GDPD4: variants seen among roughly 807,000 people sequenced by gnomAD.
GDPD4 encodes glycerophosphodiester phosphodiesterase domain containing 4, also known as glycerophosphodiester phosphodiesterase 6.
GDPD4 carries 60 observed loss-of-function variants against 67.8 expected under a neutral mutation model. The ratio of observed to expected loss-of-function variants is 0.88; its 90% CI spans 0.72 to 1.10. The LOEUF (loss-of-function observed/expected upper bound fraction) is 1.10, where lower values mean the gene tolerates loss of function less well. Ranked by LOEUF, GDPD4 falls within the 50% of genes least tolerant of loss-of-function variation. The pLI, the probability that GDPD4 is intolerant of heterozygous loss-of-function variation, is 0.00. For synonymous variants in GDPD4, 212 were observed against 210.9 expected (o/e 1.00, Z -0.04); for missense variants, 623 against 613.9 (o/e 1.01, Z -0.16).
chr11:77,280,343 C>T (rs1037189044), intron 3 of GDPD4, among the ~76,000 whole-genome samples: 2 of 151,660 alleles, frequency 1.3e-5, no homozygotes, highest in African/African-American at 2.4e-5. Context: ...GAATGATTCA[C>T]ATCCATGAAA....
At chr11:77,276,057 G>A in intron 5 of GDPD4, 104 bp downstream of exon 5, 1 of 751,816 alleles carries the variant, frequency 1.3e-6, no homozygotes, top group Non-Finnish European at 2.4e-6. Context: ...CAGTAACAGA[G>A]AGGGTAACCC....
chr11:77,235,501 C>A (rs1425179041), intron 13 of GDPD4, among the ~76,000 whole-genome samples: 2 of 152,074 alleles, frequency 1.3e-5, no homozygotes, highest in Non-Finnish European at 2.9e-5. Context: ...TGGAACAGAA[C>A]CGAAAACCAT....
chr11:77,289,774 G>A (rs1236654908), intron 1 of GDPD4, among the ~76,000 whole-genome samples: 5 of 138,296 alleles, frequency 3.6e-5, no homozygotes, highest in Admixed American at 7.4e-5. Context: ...AGGAGGGAGC[G>A]AGGGAGGGGA....
chr11:77,260,564 T>C (rs977827695), intron 10 of GDPD4, among the ~76,000 whole-genome samples: 1 of 151,866 alleles, frequency 6.6e-6, no homozygotes, highest in African/African-American at 2.4e-5. Context: ...AATGTGACCA[T>C]ATGGAAGAGG....
intron 5 of GDPD4, among the ~76,000 whole-genome samples, chr11:77,273,452 G>T (rs1234993507): frequency 6.6e-6 from 1 of 152,114 alleles, no homozygotes; most frequent in Non-Finnish European, 1.5e-5. Flanking sequence ...TTCAGACTCT[G>T]TGAACTAGAT....
rs190436310 is a variant in GDPD4, at chr11:77,233,277, C to G, written c.1242-105G>C. ...TGTGAAAGGCTGTTGCCTAAATCAC[C>G]AGAAGCAGCTGATCCAGGGACAATT... On this transcript the variant is annotated intron_variant, in intron 13 of 16. Transcript: ENST00000315938. 1.0e-4 allele frequency: 104 copies of G among 1,025,566 alleles called. No individual in the cohort carries two copies. In the African/African-American group the frequency reaches 1.3e-3, roughly 13 times the overall value. 63.5% of individuals were successfully genotyped at this position (1,025,566 alleles called of 1,614,324 possible).
intron 16 of GDPD4, among the ~76,000 whole-genome samples, chr11:77,218,538 C>G (rs1158647400): frequency 6.6e-6 from 1 of 152,134 alleles, no homozygotes; most frequent in Non-Finnish European, 1.5e-5. Context: ...ATCCCTCCCC[C>G]ATACCCCCAC....
intron 16 of GDPD4, among the ~76,000 whole-genome samples, chr11:77,223,184 TTTG>T (rs1042558858): frequency 2.0e-5 from 3 of 152,150 alleles, no homozygotes; most frequent in African/African-American, 7.2e-5. Flanking sequence ...CTTGGAGAAG[TTTG>T]TTATTACCGA....
intron 4 of GDPD4, among the ~76,000 whole-genome samples, chr11:77,278,044 T>C (rs11237160): frequency 0.19 from 29,102 of 151,908 alleles, 3,711 homozygotes; most frequent in Non-Finnish European, 0.27. Flanking sequence ...AGTTGAGCGG[T>C]TTTGAGTGAG....
chr11:77,246,755 C>T, intron 11 of GDPD4, among the ~76,000 whole-genome samples: 1 of 152,168 alleles, frequency 6.6e-6, no homozygotes, highest in Non-Finnish European at 1.5e-5. Flanking sequence ...TCTGCTGACT[C>T]TACTGGAGTG....
At chr11:77,246,430 C>CT (rs1327177100) in intron 11 of GDPD4, among the ~76,000 whole-genome samples, 101 of 152,152 alleles carry the variant, frequency 6.6e-4, no homozygotes, top group Non-Finnish European at 7.3e-5. Context: ...TGAGAAGAAA[C>CT]TAAAATTATT....
At chr11:77,244,751 T>C (rs1421321061) in intron 12 of GDPD4, among the ~76,000 whole-genome samples, 1 of 152,182 alleles carries the variant, frequency 6.6e-6, no homozygotes, top group African/African-American at 2.4e-5. Flanking sequence ...ATCTATGAAA[T>C]ACTTCCATTT....
intron 1 of GDPD4, among the ~76,000 whole-genome samples, chr11:77,289,378 G>A (rs535410224): frequency 6.8e-6 from 1 of 146,944 alleles, no homozygotes; most frequent in South Asian, 2.2e-4. Context: ...AGAGGGGAGG[G>A]GAGGGGAAAA....
chr11:77,276,225 A>T lies in GDPD4; in HGVS notation c.148-5T>A. ...AAGCAACAAAAATCCAAGTAACTGCAAAAGCAAAGAAGAAAAAGAGAGTTA... is the reference window on the plus strand; with the variant it reads ...AAGCAACAAAAATCCAAGTAACTGCTAAAGCAAAGAAGAAAAAGAGAGTTA... On this transcript the variant is annotated splice_polypyrimidine_tract_variant and splice_region_variant and intron_variant, in intron 4 of 16. Coordinates refer to ENST00000315938, the MANE Select transcript of GDPD4 (RefSeq NM_182833.3). 1 of 1,611,850 alleles carries T rather than the reference A, an allele frequency of 6.2e-7. No homozygotes were observed.
chr11:77,226,019 TAGGCAACCTAA>T (rs2135823400), intron 16 of GDPD4, among the ~76,000 whole-genome samples: 1 of 152,326 alleles, frequency 6.6e-6, no homozygotes, highest in East Asian at 1.9e-4. Flanking sequence ...GTTTCTCTAA[TAGGCAACCTAA>T]GAGCTCTTAA....
intron 10 of GDPD4, among the ~76,000 whole-genome samples, chr11:77,267,221 C>G (rs778338401): frequency 2.0e-5 from 3 of 152,190 alleles, no homozygotes; most frequent in African/African-American, 7.2e-5. Context: ...CGAAGAGTAA[C>G]AGGTCATACC....
chr11:77,271,391 G>T lies in GDPD4; in HGVS notation c.210C>A (p.Ile70=). 6.2e-7 allele frequency: 1 copy of T among 1,603,780 alleles called. No individual in the cohort carries two copies. Among genetic ancestry groups the T allele is most frequent in the Non-Finnish European group, 8.5e-7 (1 of 1,171,030 alleles). Residue 70 remains isoleucine, a splice_region_variant and synonymous_variant, in exon 6 of 17, where the codon ATC becomes ATA. Transcript: ENST00000315938. ...ACAGAAGAATCACTAGCAGAATCAGGATCTAGGGAAACAGAAAAAAAATCT... is the reference window on the plus strand; with the variant it reads ...ACAGAAGAATCACTAGCAGAATCAGTATCTAGGGAAACAGAAAAAAAATCT... ...IELYLHLCHK[I]LILLVILLCV...
chr11:77,228,577 C>T (rs1323044545), intron 15 of GDPD4, among the ~76,000 whole-genome samples: 1 of 148,788 alleles, frequency 6.7e-6, no homozygotes, highest in Non-Finnish European at 1.5e-5. Flanking sequence ...ACTCGGGAGG[C>T]TGAGGCAGGA....
At position 77,258,482 on chromosome 11, in the gene GDPD4, C is replaced by T. The variant is rs781562204; in HGVS notation, c.768G>A (p.Gly256=). ...CGCAGGCAGATTCTGGCTGAACTTC[C>T]CCAATATTGGTTGTTCTTTTCAGGT... ...DFDLKRTTNI[G]EVQPESACEN... Residue 256 remains glycine, a synonymous_variant, in exon 11 of 17, where the codon GGG becomes GGA. Coordinates refer to ENST00000315938, the MANE Select transcript of GDPD4 (RefSeq NM_182833.3). 3 of 1,613,908 alleles carry T rather than the reference C, an allele frequency of 1.9e-6. No homozygotes were observed. Among genetic ancestry groups the T allele is most frequent in the Non-Finnish European group, 2.5e-6 (3 of 1,179,938 alleles).
Sources: gnomAD v4.1 joint callset for allele counts (sites outside exome capture counted in the v4.1 genomes callset) on GRCh38, gnomAD v4.1.1 for gene constraint, MANE v1.5 for transcripts, NCBI Gene and HGNC (gene_info 2026-07-23, HGNC 2026-07-21) for gene names.